The following SEPHS1 variants were observed in gnomAD, a reference collection of about 807,000 sequenced individuals.
SEPHS1 encodes zincore component SEPHS1.
Under a neutral mutation model 39.2 loss-of-function variants are expected in SEPHS1, and 7 were observed. The ratio of observed to expected loss-of-function variants is 0.18; its 90% CI spans 0.10 to 0.34. The LOEUF is 0.34. Ranked by LOEUF, SEPHS1 falls within the 10% of genes least tolerant of loss-of-function variation. The pLI is 1.00. For missense variants in SEPHS1, 253 were observed against 514.5 expected (o/e 0.49, Z 4.92); for synonymous variants, 190 against 195.5 (o/e 0.97, Z 0.23).
chr10:13,334,866 T>C (rs1299594298), intron 4 of SEPHS1, among the ~76,000 whole-genome samples: 3 of 152,266 alleles, frequency 2.0e-5, no homozygotes. Flanking sequence ...TGATGACTGC[T>C]GGAAGCCAGC....
At chr10:13,340,385 G>C (rs1399632545) in intron 2 of SEPHS1, among the ~76,000 whole-genome samples, 1 of 152,082 alleles carries the variant, frequency 6.6e-6, no homozygotes, top group Non-Finnish European at 1.5e-5. Context: ...TCTGTCAGAG[G>C]AGAACGTGTG....
chr10:13,333,839 A>C lies in SEPHS1; in HGVS notation c.538T>G (p.Cys180Gly), dbSNP rs755539311. 2 of 1,613,654 alleles carry C rather than the reference A, an allele frequency of 1.2e-6. No homozygotes were observed. The highest frequency in any genetic ancestry group is 2.7e-5 in the African/African-American group (2 of 74,896). The stretch of plus-strand genomic sequence containing the variant: ...TACATGATAAATTCATTGGGTTGGC[A>C]GACAGTGGTAGCCACTCCTCCCAGG... ...IVLGGVATTV[C>G]QPNEFIMPDN... The change falls in exon 5 of 9, where the codon TGC (cysteine) becomes GGC (glycine). Residue 180 changes from cysteine to glycine, a missense_variant. By Grantham distance (159) the Cys-to-Gly change is radical (BLOSUM62 -3). Transcript: ENST00000327347.
chr10:13,325,895 CAAAAAAAAAAAAAAAAAAAAA>C (rs562038894), intron 7 of SEPHS1, among the ~76,000 whole-genome samples: 2 of 26,450 alleles, frequency 7.6e-5, no homozygotes, highest in South Asian at 2.2e-3. Context: ...GACTCCGTCT[CAAAAAAAAAAAAAAAAAAAAA>C]AAAAAAAAAA....
intron 5 of SEPHS1, among the ~76,000 whole-genome samples, chr10:13,331,509 G>A (rs970315446): frequency 1.3e-5 from 2 of 152,210 alleles, no homozygotes; most frequent in African/African-American, 2.4e-5. Flanking sequence ...AGTCTCCTGA[G>A]TAGCTGGGAT....
intron 5 of SEPHS1, among the ~76,000 whole-genome samples, chr10:13,332,924 A>T (rs1564448392): frequency 6.6e-6 from 1 of 152,140 alleles, no homozygotes; most frequent in Non-Finnish European, 1.5e-5. Context: ...GATGACCCTT[A>T]AAAGTATGCT....
intron 7 of SEPHS1, 88 bp downstream of exon 7, chr10:13,328,263 T>C: frequency 1.1e-6 from 1 of 917,340 alleles, no homozygotes; most frequent in Non-Finnish European, 1.7e-6. Context: ...TCTGGCCACC[T>C]ACCCTGAGAC....
chr10:13,336,051 G>A (rs1027820649), intron 4 of SEPHS1, among the ~76,000 whole-genome samples, 192 bp downstream of exon 4: 6 of 151,680 alleles, frequency 4.0e-5, no homozygotes, highest in Non-Finnish European at 8.8e-5. Flanking sequence ...TGGCAGAAGT[G>A]CAGAGATGAC....
intron 8 of SEPHS1, among the ~76,000 whole-genome samples, chr10:13,319,557 C>G (rs1246169876): frequency 1.3e-5 from 2 of 152,196 alleles, no homozygotes. Flanking sequence ...GGTACAATCA[C>G]AGCTCACTGC....
At chr10:13,320,944 C>A (rs1564441105) in intron 8 of SEPHS1, among the ~76,000 whole-genome samples, 1 of 152,220 alleles carries the variant, frequency 6.6e-6, no homozygotes, top group Non-Finnish European at 1.5e-5. Flanking sequence ...ACTGTCCTGG[C>A]CAGAGCCTGA....
intron 7 of SEPHS1, among the ~76,000 whole-genome samples, chr10:13,326,569 A>G (rs1833300553): frequency 6.8e-6 from 1 of 147,498 alleles, no homozygotes; most frequent in African/African-American, 2.5e-5. Flanking sequence ...TTTTTTTGAG[A>G]CATGATCTCA....
chr10:13,338,719 C>G lies in SEPHS1; in HGVS notation c.283G>C (p.Asp95His). The G allele has an allele frequency of 1.2e-6, 2 of 1,613,716 alleles. No homozygotes were observed. Among genetic ancestry groups the G allele is most frequent in the Non-Finnish European group, 1.7e-6 (2 of 1,179,586 alleles). The change falls in exon 3 of 9, where the codon GAC becomes CAC. Residue 95 changes from aspartate to histidine, a missense_variant. By Grantham distance (81) the Asp-to-His change is moderately conservative (BLOSUM62 -1). Around this residue, in one of 4 missense-constraint regions of SEPHS1, gnomAD observed 123 missense variants for 196.8 expected, o/e 0.62. Coordinates refer to ENST00000327347, the MANE Select transcript of SEPHS1 (RefSeq NM_012247.5). ...CTCACGCTTACCATCATGTAAGGGT[C>G]GTCTACGATCGGGTAAATGTAATCT... ...TTDYIYPIVD[D>H]PYMMGRIACA...
intron 4 of SEPHS1, among the ~76,000 whole-genome samples, chr10:13,335,809 G>A (rs923121239): frequency 6.6e-6 from 1 of 150,808 alleles, no homozygotes; most frequent in Non-Finnish European, 1.5e-5. Flanking sequence ...ATAAAACCCC[G>A]TCTCTAATAA....
In SEPHS1 at chr10:13,336,949, A is replaced by C. The variant is rs373409607; in HGVS notation, c.298-599T>G. ...GTGGATCACTTGAGGCCAGGAGTTA[A>C]AGACCAGCCTGGCCAACATGGTAAA... On this transcript the variant is annotated intron_variant, in intron 3 of 8. Coordinates refer to ENST00000327347, the MANE Select transcript of SEPHS1 (RefSeq NM_012247.5). Among the ~76,000 whole-genome samples the C allele has an allele frequency of 1.2e-4, 19 of 152,288 alleles. No individual in the cohort carries two copies. The East Asian group carries it at 2.9e-3, about 23-fold the overall frequency.
chr10:13,320,287 T>C (rs1833067355), intron 8 of SEPHS1, among the ~76,000 whole-genome samples: 1 of 151,864 alleles, frequency 6.6e-6, no homozygotes, highest in Admixed American at 6.6e-5. Flanking sequence ...GTTCACACCA[T>C]TCTCCTGCCT....
chr10:13,322,455 T>C (rs1217536868), intron 8 of SEPHS1, among the ~76,000 whole-genome samples: 1 of 151,490 alleles, frequency 6.6e-6, no homozygotes, highest in Non-Finnish European at 1.5e-5. Flanking sequence ...CCCTTTTCTC[T>C]CTATCATTCT....
rs1277855650 is a variant in SEPHS1 at position 13,348,081 on chromosome 10, C to T, written c.-160G>A. The T allele has an allele frequency of 6.8e-6, 1 of 147,798 alleles. No homozygotes were observed. Among genetic ancestry groups the T allele is most frequent in the Admixed American group, 6.7e-5 (1 of 14,932 alleles). 9.2% of individuals were successfully genotyped at this position (147,798 alleles called of 1,614,324 possible). On this transcript the variant is annotated 5_prime_UTR_variant, in exon 1 of 9. Transcript: ENST00000327347. Reference sequence around the variant, plus strand: ...AATGCACCGGGCGCGGCCGGGCTCCCTTAAGCGTCGCCTGAATAAAAATGC... The same window carrying T: ...AATGCACCGGGCGCGGCCGGGCTCCTTTAAGCGTCGCCTGAATAAAAATGC...
intron 8 of SEPHS1, among the ~76,000 whole-genome samples, chr10:13,319,613 C>T (rs562185120): frequency 2.0e-5 from 3 of 152,226 alleles, no homozygotes; most frequent in South Asian, 4.1e-4. Context: ...TCAGCTTTCC[C>T]AGTAGCTGTG....
rs1833160178 is a variant in SEPHS1 at position 13,323,022 on chromosome 10, A to G, written c.777T>C (p.Asn259=). The stretch of plus-strand genomic sequence containing the variant: ...CCGTGATGTCAGTGGCGGCGTGGGC[A>G]TTGAACGTGTGCATGAGTCCTGCAG... ...RTAAGLMHTF[N]AHAATDITGF... Residue 259 remains asparagine, a synonymous_variant, in exon 8 of 9, where the codon AAT becomes AAC. Coordinates refer to ENST00000327347, the MANE Select transcript of SEPHS1 (RefSeq NM_012247.5). 2 of 1,614,092 alleles carry G rather than the reference A, an allele frequency of 1.2e-6. No homozygotes were observed. Among genetic ancestry groups the G allele is most frequent in the African/African-American group, 1.3e-5 (1 of 75,016 alleles).
At chr10:13,340,543 T>C (rs1202159444) in intron 2 of SEPHS1, 3 of 152,212 alleles carry the variant, frequency 2.0e-5, no homozygotes, top group African/African-American at 7.2e-5. Flanking sequence ...CTGAGTATAT[T>C]ATTATTCACT....
Sources: allele counts gnomAD v4.1 joint callset (sites outside exome capture counted in the v4.1 genomes callset), GRCh38; gene constraint gnomAD v4.1.1; regional missense constraint gnomAD v4.1.1; transcripts MANE v1.5; gene names NCBI Gene and HGNC (gene_info 2026-07-23, HGNC 2026-07-21).